BARD1: variants seen among roughly 807,000 people sequenced by gnomAD.
BARD1 encodes the protein BRCA1-associated RING domain protein 1.
BARD1 carries 73 observed loss-of-function variants against 77.0 expected under a neutral mutation model. That is an observed-to-expected ratio of 0.95 (90% CI 0.79 to 1.15). The LOEUF is 1.15. Among genes scored for constraint, BARD1 ranks in the 50% most tolerant of loss-of-function variants. The pLI is 0.00. For synonymous variants in BARD1, 384 were observed against 338.0 expected, an observed-to-expected ratio of 1.14 and a Z score of -1.49; for missense variants, 993 against 938.8, an observed-to-expected ratio of 1.06 and a Z score of -0.75.
Position 214,745,888 on chromosome 2 carries a change from A to G in BARD1, c.1678-34T>C, listed in dbSNP as rs1203782274. The G allele has an allele frequency of 4.3e-6, 7 of 1,611,502 alleles. No individual in the cohort carries two copies. In the Admixed American group the frequency reaches 1.2e-4, roughly 27 times the overall value. ...ATAAAAGGAGATACCAGTGTTAAAA[A>G]CATTAGACGACTAGACAAAGACATT... On this transcript the variant is annotated intron_variant, in intron 7 of 10. Coordinates refer to ENST00000260947, the MANE Select transcript of BARD1 (RefSeq NM_000465.4).
intron 1 of BARD1, among the ~76,000 whole-genome samples, chr2:214,802,180 T>C (rs6712055): frequency 0.28 from 41,945 of 152,154 alleles, 6,392 homozygotes; most frequent in East Asian, 0.58. Flanking sequence ...ACACTTTGAA[T>C]TTTGATCTTT....
intron 2 of BARD1, among the ~76,000 whole-genome samples, chr2:214,793,724 A>G (rs956724182): frequency 1.3e-5 from 2 of 152,154 alleles, no homozygotes; most frequent in African/African-American, 4.8e-5. Context: ...TTTATAAACT[A>G]TTCCCAAATT....
At chr2:214,753,079 C>T (rs1012903767) in intron 6 of BARD1, among the ~76,000 whole-genome samples, 1 of 152,074 alleles carries the variant, frequency 6.6e-6, no homozygotes, top group African/African-American at 2.4e-5. Flanking sequence ...TCACAACCAT[C>T]GCAGAACAAA....
chr2:214,765,897 G>C, intron 6 of BARD1, among the ~76,000 whole-genome samples: 1 of 152,082 alleles, frequency 6.6e-6, no homozygotes, highest in South Asian at 2.1e-4. Flanking sequence ...GTACATTCTT[G>C]CATTATTAAT....
chr2:214,754,008 T>C (rs111850069), intron 6 of BARD1, among the ~76,000 whole-genome samples: 3 of 152,288 alleles, frequency 2.0e-5, no homozygotes, highest in Admixed American at 1.3e-4. Flanking sequence ...TGTCACAGTA[T>C]ACATTTACAG....
intron 6 of BARD1, among the ~76,000 whole-genome samples, chr2:214,763,150 A>G (rs1267629573): frequency 6.6e-6 from 1 of 152,116 alleles, no homozygotes; most frequent in African/African-American, 2.4e-5. Flanking sequence ...GGCCTTGAGT[A>G]CCTTAGCACC....
chr2:214,726,879 G>A lies in BARD1; in HGVS notation c.*1797C>T, dbSNP rs1203180012. Reference sequence around the variant, plus strand: ...CAAGAAAATGAATGACAAAAACTAAGAGACCTCATAGGTGTCTTTACAATC... The same window carrying A: ...CAAGAAAATGAATGACAAAAACTAAAAGACCTCATAGGTGTCTTTACAATC... On this transcript the variant is annotated 3_prime_UTR_variant, in exon 11 of 11. Transcript: ENST00000260947. 4.4e-6 allele frequency: 1 copy of A among 228,786 alleles called. No individual in the cohort carries two copies. Among genetic ancestry groups the A allele is most frequent in the African/African-American group, 2.2e-5 (1 of 45,132 alleles). 14.2% of individuals were successfully genotyped at this position (228,786 alleles called of 1,614,324 possible).
intron 1 of BARD1, 99 bp from the exon 2 acceptor site, chr2:214,797,216 A>G: frequency 1.0e-6 from 1 of 962,010 alleles, no homozygotes; most frequent in Non-Finnish European, 1.7e-6. Flanking sequence ...CATATTTCTC[A>G]CTTTCTCAAA....
chr2:214,769,366 T>G, intron 4 of BARD1, 54 bp from the exon 5 acceptor site: 1 of 1,407,410 alleles, frequency 7.1e-7, no homozygotes, highest in Non-Finnish European at 1.0e-6. Context: ...GAAAGGAAAA[T>G]ATTGAGCTTT....
At chr2:214,775,469 A>G (rs890734360) in intron 4 of BARD1, among the ~76,000 whole-genome samples, 1 of 152,226 alleles carries the variant, frequency 6.6e-6, no homozygotes, top group Non-Finnish European at 1.5e-5. Context: ...GCCCCAAAGC[A>G]ATTACAATAG....
At chr2:214,757,604 C>A (rs945785753) in intron 6 of BARD1, among the ~76,000 whole-genome samples, 1 of 152,030 alleles carries the variant, frequency 6.6e-6, no homozygotes, top group Non-Finnish European at 1.5e-5. Context: ...ATTTAACACA[C>A]ATGGAATGAA....
chr2:214,809,392 C>T lies in BARD1; in HGVS notation c.158+20G>A, dbSNP rs1057520824. ...GCGACCCGTGCCCTCGCAGCCACCC[C>T]CAAGAAGCTCCGTCTTTACCAACGC... On this transcript the variant is annotated intron_variant, in intron 1 of 10. Coordinates refer to ENST00000260947, the MANE Select transcript of BARD1 (RefSeq NM_000465.4). 5.6e-6 allele frequency: 9 copies of T among 1,612,070 alleles called. No individual in the cohort carries two copies. Among genetic ancestry groups the T allele is most frequent in the Non-Finnish European group, 7.6e-6 (9 of 1,179,746 alleles).
chr2:214,809,519 C>G lies in BARD1; in HGVS notation c.51G>C (p.Gly17=), dbSNP rs864622419. The part of the protein sequence containing the change: ...PRNRQPRIRS[G]NEPRSAPAME... ...TGGCGGGCGCGGAACGAGGCTCGTT[C>G]CCGGAGCGGATCCTCGGCTGCCGGT... is the stretch of plus-strand genomic sequence containing the variant. Residue 17 remains glycine (G), a synonymous_variant, in exon 1 of 11, where the codon GGG becomes GGC. Coordinates refer to ENST00000260947, the MANE Select transcript of BARD1 (RefSeq NM_000465.4). The G allele has an allele frequency of 1.3e-6, 2 of 1,594,754 alleles. No individual in the cohort carries two copies. Among genetic ancestry groups the G allele is most frequent in the East Asian group, 2.3e-5 (1 of 44,002 alleles).
intron 6 of BARD1, among the ~76,000 whole-genome samples, chr2:214,759,886 G>C (rs1693870495): frequency 6.6e-6 from 1 of 152,116 alleles, no homozygotes; most frequent in African/African-American, 2.4e-5. Flanking sequence ...CCACAATATG[G>C]TTAATTCTTA....
At chr2:214,801,185 C>T (rs139393383) in intron 1 of BARD1, among the ~76,000 whole-genome samples, 1 of 152,238 alleles carries the variant, frequency 6.6e-6, no homozygotes, top group African/African-American at 2.4e-5. Flanking sequence ...TGTAAAGGCA[C>T]ATGACATCAG....
intron 1 of BARD1, among the ~76,000 whole-genome samples, chr2:214,806,876 G>GGAAA (rs34599021): frequency 7.5e-5 from 10 of 133,620 alleles, no homozygotes; most frequent in Non-Finnish European, 1.2e-4. Context: ...TTTGCCTAGG[G>GGAAA]AAAAAAAAAA....
intron 3 of BARD1, among the ~76,000 whole-genome samples, chr2:214,788,186 A>ATT (rs3835755): frequency 2.7e-5 from 4 of 149,894 alleles, no homozygotes; most frequent in Non-Finnish European, 3.0e-5. Flanking sequence ...TAATCAAAGT[A>ATT]TTTTTTTTTT....
chr2:214,801,953 A>C (rs1046459959), intron 1 of BARD1, among the ~76,000 whole-genome samples: 3 of 151,226 alleles, frequency 2.0e-5, no homozygotes, highest in African/African-American at 7.3e-5. Context: ...TGAACTCCTG[A>C]GCTGAAGAAA....
chr2:214,782,551 C>A, intron 3 of BARD1, among the ~76,000 whole-genome samples: 1 of 151,572 alleles, frequency 6.6e-6, no homozygotes, highest in East Asian at 1.9e-4. Flanking sequence ...CACAAAGATT[C>A]CATTGAGGGT....
Sources: allele counts gnomAD v4.1 joint callset (sites outside exome capture counted in the v4.1 genomes callset), GRCh38; gene constraint gnomAD v4.1.1; transcripts MANE v1.5; gene names NCBI Gene and HGNC (gene_info 2026-07-23, HGNC 2026-07-21).